SCN3A: variants seen among roughly 807,000 people sequenced by gnomAD.
SCN3A encodes the protein sodium channel protein type 3 subunit alpha.
A neutral mutation model predicts 187.6 loss-of-function variants in SCN3A; 60 were observed. That is an observed-to-expected ratio of 0.32 (90% CI 0.26 to 0.40). The LOEUF (loss-of-function observed/expected upper bound fraction) is 0.40. Ranked by LOEUF, SCN3A falls within the 10% of genes least tolerant of loss-of-function variation. SCN3A has a pLI of 1.00. For missense variants in SCN3A, 1,601 were observed against 2,428.2 expected, an observed-to-expected ratio of 0.66 and a Z score of 7.16; for synonymous variants, 788 against 829.2, an observed-to-expected ratio of 0.95 and a Z score of 0.85.
intron 12 of SCN3A, among the ~76,000 whole-genome samples, chr2:165,142,157 T>C (rs951467790): frequency 1.3e-5 from 2 of 152,184 alleles, no homozygotes; most frequent in African/African-American, 4.8e-5. Context: ...CCCAGGGTAA[T>C]ATACATACAT....
At chr2:165,113,788 G>A (rs1686228186) in intron 20 of SCN3A, 28 bp downstream of exon 20, 1 of 1,609,670 alleles carries the variant, frequency 6.2e-7, no homozygotes, top group African/African-American at 1.3e-5. Flanking sequence ...ACCAGAATCT[G>A]ATTCTTGCCA....
chr2:165,159,054 C>A (rs1165687090), intron 9 of SCN3A, among the ~76,000 whole-genome samples: 1 of 138,058 alleles, frequency 7.2e-6, no homozygotes, highest in East Asian at 2.8e-4. Flanking sequence ...GTTTTGCATT[C>A]CCACCAGCAA....
Position 165,140,540 on chromosome 2 carries a change from A to G in SCN3A, c.2019+111T>C, listed in dbSNP as rs1287451076. 1.1e-6 allele frequency: 1 copy of G among 870,786 alleles called. No individual in the cohort carries two copies. The highest frequency in any genetic ancestry group is 1.9e-6 in the Non-Finnish European group (1 of 523,884). 53.9% of individuals were successfully genotyped at this position (870,786 alleles called of 1,614,324 possible). ...CTTTGATTAATCATGTATTATTTTT[A>G]CCAACTTTCATTTTGAGGAAGCAGG... On this transcript the variant is annotated intron_variant, in intron 13 of 27. Coordinates refer to ENST00000283254, the MANE Select transcript of SCN3A (RefSeq NM_006922.4). This position sits in a 1 kb window ranked among gnomAD's most constrained non-coding sequence, Gnocchi z 4.2.
At position 165,155,893 on chromosome 2, in the gene SCN3A, C is replaced by T. The variant is rs1224418522; in HGVS notation, c.1042G>A (p.Glu348Lys). 2 of 1,614,060 alleles carry T rather than the reference C, an allele frequency of 1.2e-6. No individual in the cohort carries two copies. The highest frequency in any genetic ancestry group is 1.7e-5 in the Admixed American group (1 of 60,008). ...CCAGCCTTCACACAGATGTATCCTT[C>T]TGGACACTGGCTATAAGAGAGAGAA... ...GNGSDAGQCP[E>K]GYICVKAGRN... is the part of the protein sequence containing the mutation. The change falls in exon 10 of 28, where the codon GAA becomes AAA. Residue 348 changes from glutamate (E) to lysine (K), a missense_variant. Transcript: ENST00000283254.
chr2:165,193,100 CATT>C (rs1169014937), intron 1 of SCN3A, among the ~76,000 whole-genome samples: 2 of 152,068 alleles, frequency 1.3e-5, no homozygotes, highest in Non-Finnish European at 2.9e-5. Flanking sequence ...ACATGGGACT[CATT>C]ATATTTCTAA....
chr2:165,182,325 T>C (rs1334093587), intron 2 of SCN3A, among the ~76,000 whole-genome samples: 1 of 152,208 alleles, frequency 6.6e-6, no homozygotes, highest in Admixed American at 6.5e-5. Flanking sequence ...CAGAACTGGA[T>C]TCAAGGCCTG....
chr2:165,124,593 T>C (rs1686880888), intron 18 of SCN3A, among the ~76,000 whole-genome samples: 1 of 152,172 alleles, frequency 6.6e-6, no homozygotes, highest in Non-Finnish European at 1.5e-5. Flanking sequence ...TATACCTTAT[T>C]TTTAAACCCT....
chr2:165,191,700 A>G (rs922838812), intron 1 of SCN3A, among the ~76,000 whole-genome samples: 1 of 152,160 alleles, frequency 6.6e-6, no homozygotes, highest in Non-Finnish European at 1.5e-5. Flanking sequence ...CAAGTCACTT[A>G]TCATTTTGTT....
rs546991245 is a variant in SCN3A, at chr2:165,126,380, T to C, written c.3393+1251A>G. ...AGTAGGAACAATTTCCTTCCTTCCT[T>C]GCTTCCTTCCTTCTTTCCTTCCCTC... On this transcript the variant is annotated intron_variant, in intron 18 of 27. Coordinates refer to ENST00000283254, the MANE Select transcript of SCN3A (RefSeq NM_006922.4). Among the ~76,000 whole-genome samples, 8 of 151,946 alleles carry C rather than the reference T, an allele frequency of 5.3e-5. No homozygotes were observed. The East Asian group carries it at 1.6e-3, about 29-fold the overall frequency.
intron 10 of SCN3A, among the ~76,000 whole-genome samples, chr2:165,155,040 T>C (rs958553557): frequency 7.2e-5 from 11 of 152,180 alleles, no homozygotes; most frequent in African/African-American, 2.7e-4. Flanking sequence ...TAGATGACTT[T>C]TGCTCCCCTC....
At position 165,164,513 on chromosome 2, in the gene SCN3A, A is replaced by G. The variant is rs1401610497; in HGVS notation, c.481T>C (p.Phe161Leu). Residue 161 changes from phenylalanine (F) to leucine (L), a missense_variant, in exon 6 of 28, where the codon TTC (phenylalanine) becomes CTC (leucine). Physicochemically the swap from Phe to Leu is conservative, Grantham distance 22 (BLOSUM62 0). This residue lies in a region of SCN3A where 122 missense variants were observed against 225.1 expected (regional missense o/e 0.54). Transcript: ENST00000283254. The part of the protein sequence containing the change: ...PDWTKNVEYT[F>L]TGIYTFESLI... ...GACTCAAAGGTATAGATTCCAGTGA[A>G]TGTGTACCTAGGAAAAACATCCAAG... The G allele has an allele frequency of 5.6e-6, 9 of 1,613,682 alleles. No homozygotes were observed. Among genetic ancestry groups the G allele is most frequent in the Non-Finnish European group, 7.6e-6 (9 of 1,179,722 alleles).
At chr2:165,169,015 A>G (rs974212522) in intron 4 of SCN3A, among the ~76,000 whole-genome samples, 190 bp from the exon 5 acceptor site, 1 of 151,922 alleles carries the variant, frequency 6.6e-6, no homozygotes, top group Non-Finnish European at 1.5e-5. Context: ...TTCATTTTAT[A>G]CCATATACTC....
At chr2:165,112,452 A>G (rs1686167783) in intron 21 of SCN3A, among the ~76,000 whole-genome samples, 2 of 152,320 alleles carry the variant, frequency 1.3e-5, no homozygotes, top group South Asian at 4.1e-4. Context: ...ATTTAGTCAC[A>G]CGTACTCTAG....
intron 3 of SCN3A, among the ~76,000 whole-genome samples, 160 bp downstream of exon 3, chr2:165,175,971 G>C (rs1209994966): frequency 6.6e-6 from 1 of 152,094 alleles, no homozygotes; most frequent in East Asian, 1.9e-4. Context: ...TCTTATAAAT[G>C]TTTGTTTTAT....
chr2:165,091,044 G>A lies in SCN3A; in HGVS notation c.5109C>T (p.Phe1703=). ...CCCAGCCAGCAGAGGTTGTAATTTGGAACAAGCAGATCATGCTGTTGCCAA... is the reference window on the plus strand; with the variant it reads ...CCCAGCCAGCAGAGGTTGTAATTTGAAACAAGCAGATCATGCTGTTGCCAA... ...ETFGNSMICL[F]QITTSAGWDG... Residue 1703 remains phenylalanine (F), a synonymous_variant, in exon 28 of 28, where the codon TTC becomes TTT. Coordinates refer to ENST00000283254, the MANE Select transcript of SCN3A (RefSeq NM_006922.4). 6.2e-7 allele frequency: 1 copy of A among 1,614,084 alleles called. No homozygotes were observed. Among genetic ancestry groups the A allele is most frequent in the Non-Finnish European group, 8.5e-7 (1 of 1,180,018 alleles).
Position 165,090,204 on chromosome 2 carries a change from T to A in SCN3A, c.5949A>T (p.Lys1983Asn). The change falls in exon 28 of 28, where the codon AAA becomes AAT. Residue 1983 changes from lysine to asparagine, a missense_variant. Coordinates refer to ENST00000283254, the MANE Select transcript of SCN3A (RefSeq NM_006922.4). The surrounding 1 kb of genome is among the most constrained non-coding windows in gnomAD (Gnocchi z 4.0). ...CTTTGCTTTCTTTTTCTGGTTTGTCTTTCTCAAACTTTTCCTTGTCTGGTT... is the reference window on the plus strand; with the variant it reads ...CTTTGCTTTCTTTTTCTGGTTTGTCATTCTCAAACTTTTCCTTGTCTGGTT... ...VTKPDKEKFE[K>N]DKPEKESKGK... 6.2e-7 allele frequency: 1 copy of A among 1,605,044 alleles called. No homozygotes were observed. Among genetic ancestry groups the A allele is most frequent in the Non-Finnish European group, 8.5e-7 (1 of 1,173,888 alleles).
At chr2:165,093,250 T>C (rs1006048399) in intron 26 of SCN3A, 4 of 152,192 alleles carry the variant, frequency 2.6e-5, no homozygotes, top group Non-Finnish European at 1.5e-5. Context: ...TTAGAAATTT[T>C]GGTTTATACC....
At position 165,092,244 on chromosome 2, in the gene SCN3A, C is replaced by T. The variant is rs774740970; in HGVS notation, c.4807+10G>A. ...GTAACTATACCTCTTGGTAATTAAG[C>T]TGTTCTTACCTACAATGGAGAGAAT... is the stretch of plus-strand genomic sequence containing the variant. On this transcript the variant is annotated intron_variant, in intron 27 of 27. Coordinates refer to ENST00000283254, the MANE Select transcript of SCN3A (RefSeq NM_006922.4). The surrounding 1 kb of genome is among the most constrained non-coding windows in gnomAD (Gnocchi z 4.2). The T allele has an allele frequency of 1.2e-6, 2 of 1,613,364 alleles. No individual in the cohort carries two copies. Among genetic ancestry groups the T allele is most frequent in the South Asian group, 2.2e-5 (2 of 91,064 alleles).
rs1439568978 is a variant in SCN3A at position 165,131,374 on chromosome 2, A to G, written c.2435T>C (p.Ile812Thr). Residue 812 changes from isoleucine (I) to threonine (T), a missense_variant, in exon 16 of 28, where the codon ATT becomes ACT. By Grantham distance (89) the Ile-to-Thr change is moderately conservative. This residue lies in a region of SCN3A where 376 missense variants were observed against 476.0 expected (regional missense o/e 0.79). Coordinates refer to ENST00000283254, the MANE Select transcript of SCN3A (RefSeq NM_006922.4). ...GAAATAGTAATAAGGATCCATGGCAATGATCTTGAGAACCATTTCTGCTGT... is the reference window on the plus strand; with the variant it reads ...GAAATAGTAATAAGGATCCATGGCAGTGATCTTGAGAACCATTTCTGCTGT... ...IFTAEMVLKI[I>T]AMDPYYYFQE... is the part of the protein sequence containing the mutation. The G allele has an allele frequency of 1.1e-5, 18 of 1,606,400 alleles. No individual in the cohort carries two copies. Among genetic ancestry groups the G allele is most frequent in the Admixed American group, 1.7e-5 (1 of 59,464 alleles).
Sources: gnomAD v4.1 joint callset for allele counts (sites outside exome capture counted in the v4.1 genomes callset) on GRCh38, gnomAD v4.1.1 for gene constraint, gnomAD v4.1.1 regional missense constraint, Gnocchi (gnomAD v3.1) non-coding constraint, MANE v1.5 for transcripts, NCBI Gene and HGNC (gene_info 2026-07-23, HGNC 2026-07-21) for gene names.